IRAK4: variants seen among roughly 807,000 people sequenced by gnomAD.
IRAK4 encodes the protein interleukin 1 receptor associated kinase 4, also known as interleukin-1 receptor-associated kinase 4.
IRAK4 carries 44 observed loss-of-function variants against 51.8 expected under a neutral mutation model. The ratio of observed to expected loss-of-function variants is 0.85; its 90% CI spans 0.67 to 1.09. The LOEUF is 1.09. Among genes scored for constraint, IRAK4 ranks in the 50% least tolerant of loss-of-function variants. The probability of loss-of-function intolerance (pLI) is 0.00; values close to 1 mark genes in which losing one functional copy is unlikely to be tolerated. For synonymous variants in IRAK4, 149 were observed against 174.1 expected (o/e 0.86, Z 1.13); for missense variants, 487 against 538.0 (o/e 0.91, Z 0.94).
At chr12:43,778,387 C>T (rs1317722515) in intron 8 of IRAK4, 85 bp downstream of exon 8, 2 of 775,478 alleles carry the variant, frequency 2.6e-6, no homozygotes, top group African/African-American at 1.7e-5. Flanking sequence ...ATATGCAGGT[C>T]TTAACCTAGA....
At chr12:43,774,920 C>A (rs148482209) in intron 6 of IRAK4, among the ~76,000 whole-genome samples, 1 of 152,354 alleles carries the variant, frequency 6.6e-6, no homozygotes, top group East Asian at 1.9e-4. Context: ...CTAACCCTTA[C>A]AACTGTTACA....
chr12:43,782,274 CA>C (rs1941841234), intron 8 of IRAK4, 32 bp from the exon 9 acceptor site: 3 of 1,542,614 alleles, frequency 1.9e-6, no homozygotes, highest in Admixed American at 3.4e-5. Context: ...GTGGGAAAAA[CA>C]TTTTTTTCTT....
rs372068514 is a variant in IRAK4, at chr12:43,786,699, A to T, written c.1367A>T (p.Glu456Val). The T allele has an allele frequency of 2.2e-5, 35 of 1,613,566 alleles. No individual in the cohort carries two copies. Among genetic ancestry groups the T allele is most frequent in the Non-Finnish European group, 2.8e-5 (33 of 1,179,746 alleles). ...TAAAAGGTTCAACAGCTGCTGCAAGAGATGACAGCTTCTTAAAACTTTATT... is the reference window on the plus strand; with the variant it reads ...TAAAAGGTTCAACAGCTGCTGCAAGTGATGACAGCTTCTTAAAACTTTATT... ...DIKKVQQLLQ[E>V]MTAS The change falls in exon 12 of 12, where the codon GAG (glutamate) becomes GTG (valine). Residue 456 changes from glutamate (E) to valine (V), a missense_variant. By Grantham distance (121) the Glu-to-Val change is moderately radical. Transcript: ENST00000613694.
At chr12:43,783,547 C>T (rs939462816) in intron 9 of IRAK4, 115 bp from the exon 10 acceptor site, 52 of 695,816 alleles carry the variant, frequency 7.5e-5, no homozygotes, top group Middle Eastern at 3.7e-4. Context: ...TCGTGAAGTC[C>T]GGGGCTCAAG....
At position 43,766,733 on chromosome 12, in the gene IRAK4, A is replaced by G. The variant is rs141163367; in HGVS notation, c.-9-1370A>G. On this transcript the variant is annotated intron_variant, in intron 1 of 11. Transcript: ENST00000613694. The stretch of plus-strand genomic sequence containing the variant: ...TTACCACCTTTGTAAAATAGAGATG[A>G]TAAAACTGTACTGGGAAATAATTTA... Among the ~76,000 whole-genome samples the G allele has an allele frequency of 1.6e-3, 240 of 152,318 alleles. 1 individual carries two copies. Among genetic ancestry groups the G allele is most frequent in the African/African-American group, 4.7e-3 (194 of 41,572 alleles).
At chr12:43,773,933 G>A (rs776512121) in intron 5 of IRAK4, 32 bp from the exon 6 acceptor site, 9 of 1,378,684 alleles carry the variant, frequency 6.5e-6, no homozygotes, top group Non-Finnish European at 8.3e-6. Flanking sequence ...TTAGAATTGT[G>A]TAGTATTACA....
intron 9 of IRAK4, 148 bp from the exon 10 acceptor site, chr12:43,783,514 G>T (rs1273562265): frequency 1.7e-6 from 1 of 599,208 alleles, no homozygotes. Flanking sequence ...GTAGAGACAG[G>T]GTCTCACTGT....
Position 43,787,741 on chromosome 12 carries a change from A to C in IRAK4, c.*1026A>C, listed in dbSNP as rs974931358. 1 of 152,160 alleles carries C rather than the reference A, an allele frequency of 6.6e-6. No individual in the cohort carries two copies. The highest frequency in any genetic ancestry group is 2.4e-5 in the African/African-American group (1 of 41,412). 9.4% of individuals were successfully genotyped at this position (152,160 alleles called of 1,614,324 possible). ...TCTATCTGTTCTGTGCTGGACTTCT[A>C]ATATATAGAACTGTGAGATAATGGG... is the stretch of plus-strand genomic sequence containing the variant. On this transcript the variant is annotated 3_prime_UTR_variant, in exon 12 of 12. Transcript: ENST00000613694.
chr12:43,763,373 A>T (rs928930297), intron 1 of IRAK4: 5 of 152,220 alleles, frequency 3.3e-5, no homozygotes, highest in Admixed American at 2.6e-4. Context: ...AGATACAAGA[A>T]TTCAGCTCTC....
intron 5 of IRAK4, 62 bp from the exon 6 acceptor site, chr12:43,773,903 C>G: frequency 9.8e-7 from 1 of 1,024,760 alleles, no homozygotes; most frequent in South Asian, 1.3e-5. Flanking sequence ...ATCTCTTGAT[C>G]CCTCTGAGCA....
At chr12:43,761,745 A>G (rs1197352984) in intron 1 of IRAK4, among the ~76,000 whole-genome samples, 1 of 152,228 alleles carries the variant, frequency 6.6e-6, no homozygotes, top group Non-Finnish European at 1.5e-5. Flanking sequence ...AACACATTTG[A>G]CAAGAATCTT....
chr12:43,760,031 G>C (rs1490365174), intron 1 of IRAK4, among the ~76,000 whole-genome samples: 1 of 152,204 alleles, frequency 6.6e-6, no homozygotes, highest in Non-Finnish European at 1.5e-5. Context: ...TTCTTGGAGT[G>C]GTCCTTGAAG....
intron 8 of IRAK4, 135 bp downstream of exon 8, chr12:43,778,437 C>T: frequency 1.5e-6 from 1 of 660,592 alleles, no homozygotes; most frequent in Non-Finnish European, 2.8e-6. Context: ...GAAAGCTCTT[C>T]TCAATAAGGA....
chr12:43,783,704 C>T lies in IRAK4; in HGVS notation c.1168C>T (p.His390Tyr), dbSNP rs1941978190. 1 of 1,606,772 alleles carries T rather than the reference C, an allele frequency of 6.2e-7. No homozygotes were observed. Among genetic ancestry groups the T allele is most frequent in the Non-Finnish European group, 8.5e-7 (1 of 1,173,844 alleles). The change falls in exon 10 of 12, where the codon CAC becomes TAC. Residue 390 changes from histidine to tyrosine, a missense_variant. Transcript: ENST00000613694. ...AACTGGACTTCCAGCTGTGGATGAA[C>T]ACCGTGAACCTCAGTTATTGGTAAA... is the stretch of plus-strand genomic sequence containing the variant. ...IITGLPAVDE[H>Y]REPQLLLDIK...
chr12:43,764,133 G>T (rs1298238895), intron 1 of IRAK4, among the ~76,000 whole-genome samples: 1 of 152,174 alleles, frequency 6.6e-6, no homozygotes, highest in East Asian at 1.9e-4. Context: ...GATAAAAAAT[G>T]TAAACTTTGG....
intron 1 of IRAK4, among the ~76,000 whole-genome samples, chr12:43,765,351 C>G (rs1940015776): frequency 6.6e-6 from 1 of 152,200 alleles, no homozygotes; most frequent in Non-Finnish European, 1.5e-5. Context: ...CAGGCTTCAT[C>G]TTCAACATCA....
chr12:43,780,307 A>C (rs914960438), intron 8 of IRAK4, among the ~76,000 whole-genome samples: 1 of 152,202 alleles, frequency 6.6e-6, no homozygotes, highest in Admixed American at 6.5e-5. Flanking sequence ...AGCTAGAAAT[A>C]GATAAGTCAT....
At position 43,787,046 on chromosome 12, in the gene IRAK4, G is replaced by A. The variant is rs2138091908; in HGVS notation, c.*331G>A. The A allele has an allele frequency of 3.4e-6, 1 of 294,430 alleles. No individual in the cohort carries two copies. Among genetic ancestry groups the A allele is most frequent in the Non-Finnish European group, 6.3e-6 (1 of 158,006 alleles). The allele number at this position is 294,430 out of a possible 1,614,324, so 18.2% of individuals were successfully genotyped here. A position where few individuals can be genotyped will look rare whatever the true frequency, so the allele number is the denominator to read the frequency against. ...TGGAAACACTCTGATCTGAAGCCCA[G>A]CTGACTCCACTACTAATTTGCTGTA... On this transcript the variant is annotated 3_prime_UTR_variant, in exon 12 of 12. Transcript: ENST00000613694.
chr12:43,772,286 G>A lies in IRAK4; in HGVS notation c.414G>A (p.Val138=), dbSNP rs748825445. ...CDKDRTLMTP[V]QNLEQSYMPP... ...AAGACAGGACATTGATGACACCTGT[G>A]CAGAATCTTGAACAAAGCTATATGC... Residue 138 remains valine (V), a synonymous_variant, in exon 4 of 12, where the codon GTG becomes GTA. Transcript: ENST00000613694. 2.5e-6 allele frequency: 4 copies of A among 1,613,836 alleles called. 1 individual carries two copies. Among genetic ancestry groups the A allele is most frequent in the South Asian group, 2.2e-5 (2 of 91,076 alleles).
Sources: allele counts gnomAD v4.1 joint callset (sites outside exome capture counted in the v4.1 genomes callset), GRCh38; gene constraint gnomAD v4.1.1; transcripts MANE v1.5; gene names NCBI Gene and HGNC (gene_info 2026-07-23, HGNC 2026-07-21).